HGS: variants seen among roughly 807,000 people sequenced by gnomAD.
HGS encodes the protein human growth factor-regulated tyrosine kinase substrate.
Under a neutral mutation model 109.7 loss-of-function variants are expected in HGS, and 63 were observed. That is an observed-to-expected ratio of 0.57 (90% confidence interval 0.47 to 0.71). The LOEUF (loss-of-function observed/expected upper bound fraction) is 0.71. Ranked by LOEUF, HGS falls within the 30% of genes least tolerant of loss-of-function variation. The probability of loss-of-function intolerance (pLI) is 0.00; values close to 1 mark genes in which losing one functional copy is unlikely to be tolerated. For synonymous variants in HGS, 546 were observed against 437.3 expected (o/e 1.25, Z -3.10); for missense variants, 995 against 1,068.3 (o/e 0.93, Z 0.96).
At chr17:81,696,105 C>G in intron 15 of HGS, 106 bp downstream of exon 15, 1 of 1,057,508 alleles carries the variant, frequency 9.5e-7, no homozygotes, top group Admixed American at 2.8e-5. Context: ...GTGAGTCCTT[C>G]ATTGGGGCCG....
At chr17:81,693,328 G>A (rs1205408180) in intron 8 of HGS, among the ~76,000 whole-genome samples, 175 bp from the exon 9 acceptor site, 2 of 152,216 alleles carry the variant, frequency 1.3e-5, no homozygotes, top group South Asian at 2.1e-4. Flanking sequence ...TGATGCCCTC[G>A]AGTCCTGCCC....
chr17:81,696,162 C>T, intron 15 of HGS, 163 bp downstream of exon 15: 2 of 903,854 alleles, frequency 2.2e-6, no homozygotes, highest in Non-Finnish European at 1.6e-6. Flanking sequence ...CAGTGATGAC[C>T]ATGCCCTGCC....
chr17:81,701,011 C>A, intron 20 of HGS, 34 bp from the exon 21 acceptor site: 2 of 1,590,300 alleles, frequency 1.3e-6, no homozygotes, highest in Non-Finnish European at 8.6e-7. Flanking sequence ...GGTCACAGGG[C>A]TACTCTCTCA....
At chr17:81,700,319 G>A (rs2037215231) in intron 18 of HGS, 148 bp from the exon 19 acceptor site, 1 of 745,112 alleles carries the variant, frequency 1.3e-6, no homozygotes, top group African/African-American at 1.8e-5. Context: ...CAGTGAGCCA[G>A]GATTGTGCCA....
chr17:81,689,627 G>A (rs946275265), intron 5 of HGS, among the ~76,000 whole-genome samples: 6 of 152,174 alleles, frequency 3.9e-5, no homozygotes, highest in African/African-American at 7.2e-5. Flanking sequence ...GGGGTGGTGC[G>A]TCCCCGCTGC....
chr17:81,689,809 T>C (rs1433573760), intron 5 of HGS, among the ~76,000 whole-genome samples: 1 of 152,156 alleles, frequency 6.6e-6, no homozygotes, highest in Non-Finnish European at 1.5e-5. Flanking sequence ...TCCTGGATTT[T>C]TTCTGGGGTC....
chr17:81,686,678 C>T (rs995196184), intron 3 of HGS, among the ~76,000 whole-genome samples: 2 of 152,254 alleles, frequency 1.3e-5, no homozygotes, highest in African/African-American at 2.4e-5. Flanking sequence ...TGAGACTTGG[C>T]GTCACGGAGC....
At chr17:81,701,266 C>T (rs2037233382) in intron 21 of HGS, 135 bp downstream of exon 21, 5 of 859,788 alleles carry the variant, frequency 5.8e-6, no homozygotes, top group African/African-American at 5.0e-5. Context: ...ACCCGAGGCC[C>T]CTTCTCAGCA....
At chr17:81,688,018 C>T (rs1049171415) in intron 4 of HGS, among the ~76,000 whole-genome samples, 4 of 152,224 alleles carry the variant, frequency 2.6e-5, no homozygotes, top group Non-Finnish European at 5.9e-5. Flanking sequence ...GTTCGCTCCT[C>T]TGGGGTGAGG....
intron 15 of HGS, 138 bp from the exon 16 acceptor site, chr17:81,696,219 C>T: frequency 8.3e-7 from 1 of 1,201,964 alleles, no homozygotes; most frequent in South Asian, 1.6e-5. Context: ...CCTCTGCCTG[C>T]CTCCCCCAGA....
At position 81,695,830 on chromosome 17, in the gene HGS, C is replaced by A. The variant is rs755153255; in HGVS notation, c.1224C>A (p.Phe408Leu). Residue 408 changes from phenylalanine to leucine, a missense_variant, in exon 15 of 22, where the codon TTC (phenylalanine) becomes TTA (leucine). Around this residue, in one of 6 missense-constraint regions of HGS, gnomAD observed 300 missense variants for 235.4 expected, o/e 1.27. Transcript: ENST00000329138. ...AGTCTGAGGAGAGCCACGAGCAGTT[C>A]CTGAAGGCGCTGCAGAACGCCGTCA... ...NGESEESHEQ[F>L]LKALQNAVTT... The A allele has an allele frequency of 1.2e-6, 2 of 1,613,530 alleles. No homozygotes were observed. The highest frequency in any genetic ancestry group is 2.2e-5 in the South Asian group (2 of 91,072).
chr17:81,688,879 G>A (rs374795770), intron 5 of HGS, 52 bp downstream of exon 5: 346 of 1,611,310 alleles, frequency 2.1e-4, no homozygotes, highest in Non-Finnish European at 2.9e-4. Context: ...CTGCTGGGCA[G>A]TCAGGCTCAA....
chr17:81,701,632 CACGTCCGGAGTAACACTACAT>C lies in HGS; in HGVS notation c.*17_*37del, dbSNP rs1568221191. On this transcript the variant is annotated 3_prime_UTR_variant, in exon 22 of 22. Transcript: ENST00000329138. ...TCATTCGACTGACCCAGGCCATGCT[CACGTCCGGAGTAACACTACAT>C]ACAGTTCACCTGAAACGCCTCGTCT... 1 of 1,547,152 alleles carries C rather than the reference CACGTCCGGAGTAACACTACAT, an allele frequency of 6.5e-7. No individual in the cohort carries two copies. Among genetic ancestry groups the C allele is most frequent in the Non-Finnish European group, 8.7e-7 (1 of 1,152,280 alleles).
intron 4 of HGS, among the ~76,000 whole-genome samples, chr17:81,688,458 A>G (rs1436917346): frequency 6.6e-6 from 1 of 152,232 alleles, no homozygotes; most frequent in African/African-American, 2.4e-5. Flanking sequence ...AGGGAGAGAC[A>G]GATGGTCAGG....
Position 81,684,205 on chromosome 17 carries a change from G to T in HGS, c.37+102G>T, listed in dbSNP as rs966135702. Reference sequence around the variant, plus strand: ...AGGGCCCGAGGGGCGCGGACCGGCCGCCCTGCCCGCCTCTCCCCGGCCCGC... The same window carrying T: ...AGGGCCCGAGGGGCGCGGACCGGCCTCCCTGCCCGCCTCTCCCCGGCCCGC... On this transcript the variant is annotated intron_variant, in intron 1 of 21. Transcript: ENST00000329138. The T allele has an allele frequency of 7.1e-5, 75 of 1,057,564 alleles. 2 individuals are homozygous for T. In the South Asian group the frequency reaches 1.8e-3, roughly 25 times the overall value. The allele number at this position is 1,057,564 out of a possible 1,614,324, so 65.5% of individuals were successfully genotyped here. A position where few individuals can be genotyped will look rare whatever the true frequency, so the allele number is the denominator to read the frequency against.
intron 15 of HGS, 130 bp downstream of exon 15, chr17:81,696,129 A>C: frequency 1.1e-6 from 1 of 950,872 alleles, no homozygotes; most frequent in Non-Finnish European, 1.5e-6. Context: ...CTTCCTCCAG[A>C]GAGTGTCAAC....
chr17:81,688,877 C>A (rs767458317), intron 5 of HGS, 50 bp downstream of exon 5: 2 of 1,610,838 alleles, frequency 1.2e-6, no homozygotes, highest in South Asian at 2.2e-5. Context: ...AACTGCTGGG[C>A]AGTCAGGCTC....
Position 81,694,866 on chromosome 17 carries a change from A to G in HGS, c.975+13A>G. ...CATCGACCCTGAGGTAAGGCCCAGC[A>G]TGGGGTGCATCCTCTCACGGTTTCT... On this transcript the variant is annotated intron_variant, in intron 12 of 21. Transcript: ENST00000329138. 2 of 1,614,204 alleles carry G rather than the reference A, an allele frequency of 1.2e-6. No individual in the cohort carries two copies. Among genetic ancestry groups the G allele is most frequent in the Non-Finnish European group, 1.7e-6 (2 of 1,179,998 alleles).
chr17:81,700,818 C>T lies in HGS; in HGVS notation c.2136+4C>T. 6.2e-7 allele frequency: 1 copy of T among 1,609,496 alleles called. No homozygotes were observed. Among genetic ancestry groups the T allele is most frequent in the Middle Eastern group, 1.7e-4 (1 of 5,846 alleles). On this transcript the variant is annotated splice_donor_region_variant and intron_variant, in intron 20 of 21. Coordinates refer to ENST00000329138, the MANE Select transcript of HGS (RefSeq NM_004712.5). ...CTACCAGCCTTACAACATGCAGGTA[C>T]AGTGACCTCCAGGCCCTGCTGGGGG...
Sources: allele counts gnomAD v4.1 joint callset (sites outside exome capture counted in the v4.1 genomes callset), GRCh38; gene constraint gnomAD v4.1.1; regional missense constraint gnomAD v4.1.1; transcripts MANE v1.5; gene names NCBI Gene and HGNC (gene_info 2026-07-23, HGNC 2026-07-21).